The following DST variants were observed in gnomAD, a reference collection of about 807,000 sequenced individuals.
The protein encoded by DST is dystonin.
A neutral mutation model predicts 875.2 loss-of-function variants in DST; 253 were observed. The ratio of observed to expected loss-of-function variants is 0.29; its 90% CI spans 0.26 to 0.32. The LOEUF (loss-of-function observed/expected upper bound fraction) is 0.32, where lower values mean the gene tolerates loss of function less well. Ranked by LOEUF, DST falls within the 10% of genes least tolerant of loss-of-function variation. The pLI is 1.00. For missense variants in DST, 8,287 were observed against 9,111.6 expected, an observed-to-expected ratio of 0.91 and a Z score of 3.68; for synonymous variants, 3,124 against 3,197.1, an observed-to-expected ratio of 0.98 and a Z score of 0.77.
At chr6:56,865,511 T>G (rs1773562226) in intron 3 of DST, among the ~76,000 whole-genome samples, 1 of 152,076 alleles carries the variant, frequency 6.6e-6, no homozygotes, top group African/African-American at 2.4e-5. Context: ...AATTTTTTTG[T>G]TTTTTGAAGA....
intron 9 of DST, among the ~76,000 whole-genome samples, chr6:56,681,501 C>A (rs2099157201): frequency 6.6e-6 from 1 of 152,210 alleles, no homozygotes; most frequent in Admixed American, 6.5e-5. Flanking sequence ...CTTGAGGAAG[C>A]CCCAGCTGAT....
intron 60 of DST, among the ~76,000 whole-genome samples, chr6:56,554,962 A>T (rs2097384330): frequency 6.6e-6 from 1 of 152,260 alleles, no homozygotes; most frequent in African/African-American, 2.4e-5. Context: ...TTTCTATGAC[A>T]GAATAGATAA....
chr6:56,497,192 T>A (rs183855934), intron 82 of DST, among the ~76,000 whole-genome samples, 187 bp downstream of exon 82: 2 of 151,752 alleles, frequency 1.3e-5, no homozygotes, highest in Non-Finnish European at 1.5e-5. Flanking sequence ...AAGAAAGAAA[T>A]AAAGAATGGG....
At chr6:56,815,697 A>C (rs4299824) in intron 4 of DST, among the ~76,000 whole-genome samples, 1 of 152,056 alleles carries the variant, frequency 6.6e-6, no homozygotes, top group African/African-American at 2.4e-5. Flanking sequence ...GTGCAACTAA[A>C]GTTAAACAAG....
intron 86 of DST, among the ~76,000 whole-genome samples, chr6:56,487,478 ATAAAG>A (rs879626296): frequency 6.6e-6 from 1 of 152,176 alleles, no homozygotes; most frequent in Non-Finnish European, 1.5e-5. Context: ...CACCTATTCA[ATAAAG>A]TACCTAAGAT....
rs750583880 is a variant in DST at position 56,609,084 on chromosome 6, C to T, written c.5544G>A (p.Ala1848=). 2.7e-5 allele frequency: 43 copies of T among 1,613,662 alleles called. No homozygotes were observed. Among genetic ancestry groups the T allele is most frequent in the African/African-American group, 1.9e-4 (14 of 74,900 alleles). The change falls in exon 40 of 104, where the codon GCG becomes GCA. Residue 1848 remains alanine, a synonymous_variant. Transcript: ENST00000680361. The part of the protein sequence containing the change: ...LSKAKEIISA[A]SPTTIPVLDA... Reference sequence around the variant, plus strand: ...CCAGTACTGGAATTGTGGTAGGTGACGCAGCAGAAATAATCTCCTTAGCTT... The same window carrying T: ...CCAGTACTGGAATTGTGGTAGGTGATGCAGCAGAAATAATCTCCTTAGCTT...
Position 56,806,264 on chromosome 6 carries a change from T to C in DST, c.625+45133A>G, listed in dbSNP as rs75461398. On this transcript the variant is annotated intron_variant, in intron 4 of 103. Coordinates refer to ENST00000680361, the MANE Select transcript of DST (RefSeq NM_001374736.1). ...AAAGTATGTTATTCTAGTTAAGTTATTGCCCAATCTACAAAATACTCCAGT... is the reference window on the plus strand; with the variant it reads ...AAAGTATGTTATTCTAGTTAAGTTACTGCCCAATCTACAAAATACTCCAGT... Among the ~76,000 whole-genome samples the C allele has an allele frequency of 3.4e-3, 513 of 152,310 alleles. 4 individuals are homozygous for C. The highest frequency in any genetic ancestry group is 0.012 in the African/African-American group (497 of 41,566).
chr6:56,607,409 T>C lies in DST; in HGVS notation c.7219A>G (p.Met2407Val). The C allele has an allele frequency of 6.2e-7, 1 of 1,612,156 alleles. No homozygotes were observed. Among genetic ancestry groups the C allele is most frequent in the East Asian group, 2.2e-5 (1 of 44,820 alleles). ...TCATTCACACCACAGAATTTACTCA[T>C]TTTTGATTTCATAATAGGATTTTCT... ...LIENPIMKSK[M>V]SKFCGVNETE... The change falls in exon 40 of 104, where the codon ATG (methionine) becomes GTG (valine). Residue 2407 changes from methionine (M) to valine (V), a missense_variant. Met to Val is a conservative substitution (Grantham distance 21, BLOSUM62 1). Coordinates refer to ENST00000680361, the MANE Select transcript of DST (RefSeq NM_001374736.1).
intron 5 of DST, among the ~76,000 whole-genome samples, chr6:56,710,806 T>C (rs1040125062): frequency 2.6e-5 from 4 of 152,196 alleles, no homozygotes; most frequent in Non-Finnish European, 5.9e-5. Context: ...ACCTAAATTA[T>C]TATAAATTCG....
chr6:56,514,350 A>G (rs1268802325), intron 72 of DST, among the ~76,000 whole-genome samples: 2 of 152,240 alleles, frequency 1.3e-5, no homozygotes, highest in Non-Finnish European at 2.9e-5. Flanking sequence ...ATAGAACTCC[A>G]TAAGATTCCT....
intron 4 of DST, among the ~76,000 whole-genome samples, chr6:56,781,352 G>A (rs2099693406): frequency 2.0e-5 from 3 of 152,176 alleles, no homozygotes; most frequent in Admixed American, 2.0e-4. Context: ...TCCTACCCAT[G>A]AGCATGGAAT....
At chr6:56,601,419 C>G in intron 44 of DST, 24 bp downstream of exon 44, 1 of 1,477,384 alleles carries the variant, frequency 6.8e-7, no homozygotes, top group Non-Finnish European at 9.3e-7. Context: ...ACAATGAATG[C>G]CAACTCCACG....
intron 61 of DST, among the ~76,000 whole-genome samples, chr6:56,548,826 T>C (rs772032098): frequency 1.1e-4 from 17 of 152,238 alleles, no homozygotes; most frequent in Admixed American, 4.6e-4. Flanking sequence ...GAAAAACTTA[T>C]GTACAACAGA....
In DST at chr6:56,497,995, C is replaced by T; in HGVS notation, c.19955G>A (p.Gly6652Glu). ...TGCACTTGATTCAATTAGATCATTT[C>T]CTGCTTTATTAACGGCTTCCACTGT... ...QSTVEAVNKA[G>E]NDLIESSAGE... The change falls in exon 81 of 104, where the codon GGA becomes GAA. Residue 6652 changes from glycine (G) to glutamate (E), a missense_variant. Gly to Glu is a moderately conservative substitution (Grantham distance 98). Around this residue, in one of 10 missense-constraint regions of DST, gnomAD observed 1,292 missense variants for 1,552.7 expected, o/e 0.83. Transcript: ENST00000680361. 1 of 1,613,454 alleles carries T rather than the reference C, an allele frequency of 6.2e-7. No individual in the cohort carries two copies. Among genetic ancestry groups the T allele is most frequent in the Non-Finnish European group, 8.5e-7 (1 of 1,179,568 alleles).
chr6:56,662,903 C>T (rs948422227), intron 10 of DST, among the ~76,000 whole-genome samples: 1 of 151,922 alleles, frequency 6.6e-6, no homozygotes, highest in African/African-American at 2.4e-5. Context: ...GAGCCAAGAT[C>T]GCACCACTGC....
At position 56,934,405 on chromosome 6, in the gene DST, T is replaced by C. The variant is rs375327395; in HGVS notation, c.216+19380A>G. ...TTTTTTTAATTTGGAAAGCTAACAA[T>C]AATAAATCACTTTTGTTATGGTCTG... On this transcript the variant is annotated intron_variant, in intron 2 of 103. Coordinates refer to ENST00000680361, the MANE Select transcript of DST (RefSeq NM_001374736.1). Among the ~76,000 whole-genome samples, 22 of 151,766 alleles carry C rather than the reference T, an allele frequency of 1.4e-4. No individual in the cohort carries two copies. In the South Asian group the frequency reaches 4.2e-3, roughly 29 times the overall value.
At position 56,497,987 on chromosome 6, in the gene DST, G is replaced by C. The variant is rs1168204902; in HGVS notation, c.19963C>G (p.Leu6655Val). ...TCTTCTCCTGCACTTGATTCAATTAGATCATTTCCTGCTTTATTAACGGCT... is the reference window on the plus strand; with the variant it reads ...TCTTCTCCTGCACTTGATTCAATTACATCATTTCCTGCTTTATTAACGGCT... ...VEAVNKAGND[L>V]IESSAGEEAS... Residue 6655 changes from leucine to valine, a missense_variant, in exon 81 of 104, where the codon CTA becomes GTA. By Grantham distance (32) the Leu-to-Val change is conservative. This residue lies in a region of DST where 1,292 missense variants were observed against 1,552.7 expected (regional missense o/e 0.83). Transcript: ENST00000680361. 5 of 1,613,480 alleles carry C rather than the reference G, an allele frequency of 3.1e-6. No homozygotes were observed. The highest frequency in any genetic ancestry group is 4.2e-6 in the Non-Finnish European group (5 of 1,179,590).
chr6:56,893,404 T>C (rs527795693), intron 3 of DST, among the ~76,000 whole-genome samples: 1 of 152,284 alleles, frequency 6.6e-6, no homozygotes, highest in Non-Finnish European at 1.5e-5. Context: ...ACTCGTTGAT[T>C]GATGGGCATT....
chr6:56,560,445 T>C (rs2097519859), intron 57 of DST, 22 bp from the exon 58 acceptor site: 3 of 1,572,226 alleles, frequency 1.9e-6, no homozygotes, highest in Non-Finnish European at 2.6e-6. Flanking sequence ...AAAATAATAA[T>C]AAATCATGTG....
Sources: gnomAD v4.1 joint callset for allele counts (sites outside exome capture counted in the v4.1 genomes callset) on GRCh38, gnomAD v4.1.1 for gene constraint, gnomAD v4.1.1 regional missense constraint, MANE v1.5 for transcripts, NCBI Gene and HGNC (gene_info 2026-07-23, HGNC 2026-07-21) for gene names.